The following LMBR1 variants were observed in gnomAD, a reference collection of about 807,000 sequenced individuals.
The protein encoded by LMBR1 is limb development membrane protein 1, also known as limb region 1 protein homolog.
In LMBR1, 52 loss-of-function variants were observed where a neutral mutation model predicts 73.9. That is an observed-to-expected ratio of 0.70 (90% CI 0.56 to 0.89). LMBR1 has a LOEUF of 0.89. Ranked by LOEUF, LMBR1 falls within the 40% of genes least tolerant of loss-of-function variation. LMBR1 has a pLI of 0.00. For synonymous variants in LMBR1, 215 were observed against 209.4 expected (o/e 1.03, Z -0.23); for missense variants, 539 against 579.8 (o/e 0.93, Z 0.72).
intron 9 of LMBR1, among the ~76,000 whole-genome samples, chr7:156,743,824 T>C (rs1280547816): frequency 6.6e-6 from 1 of 152,190 alleles, no homozygotes; most frequent in East Asian, 1.9e-4. Context: ...TCTGAGTAAC[T>C]TACCCCACAC....
At chr7:156,889,479 T>G (rs1246047696) in intron 1 of LMBR1, among the ~76,000 whole-genome samples, 3 of 152,160 alleles carry the variant, frequency 2.0e-5, no homozygotes, top group Non-Finnish European at 4.4e-5. Flanking sequence ...GAAAAAGTAT[T>G]TACATTCACT....
At chr7:156,698,446 C>A (rs1808826885) in intron 15 of LMBR1, among the ~76,000 whole-genome samples, 2 of 152,220 alleles carry the variant, frequency 1.3e-5, no homozygotes. Context: ...TCCGTGAGAG[C>A]CCTGCCTTTG....
chr7:156,690,587 T>G (rs567547334), intron 15 of LMBR1, among the ~76,000 whole-genome samples: 1 of 152,314 alleles, frequency 6.6e-6, no homozygotes, highest in South Asian at 2.1e-4. Context: ...AGACTCAGGG[T>G]CAAGACTTAG....
At chr7:156,800,482 C>CAAGAAAAAAAAA (rs1830758078) in intron 4 of LMBR1, among the ~76,000 whole-genome samples, 1 of 81,034 alleles carries the variant, frequency 1.2e-5, no homozygotes, top group Admixed American at 1.5e-4. Context: ...ACTTGCTACT[C>CAAGAAAAAAAAA]AAAAAAAAAA....
intron 15 of LMBR1, among the ~76,000 whole-genome samples, chr7:156,689,020 T>G (rs147408901): frequency 6.6e-6 from 1 of 152,162 alleles, no homozygotes; most frequent in Admixed American, 6.5e-5. Flanking sequence ...AGTAGGATGA[T>G]CTAATATATG....
intron 12 of LMBR1, among the ~76,000 whole-genome samples, chr7:156,726,787 G>A (rs751694509): frequency 4.6e-5 from 7 of 152,140 alleles, no homozygotes; most frequent in South Asian, 4.1e-4. Context: ...CTTCTCCTGC[G>A]AAGCAGGCCA....
In LMBR1 at chr7:156,712,954, C is replaced by G. The variant is rs192844860; in HGVS notation, c.1225+11158G>C. 9.2e-5 allele frequency among the ~76,000 whole-genome samples: 14 copies of G among 152,258 alleles called. No individual in the cohort carries two copies. In the East Asian group the frequency reaches 2.7e-3, roughly 29 times the overall value. On this transcript the variant is annotated intron_variant, in intron 15 of 16. Transcript: ENST00000353442. ...AGACACCCTACAAGCCCTGACTACA[C>G]CATTACACAATCTATGCATGCAACA... is the stretch of plus-strand genomic sequence containing the variant.
intron 4 of LMBR1, among the ~76,000 whole-genome samples, chr7:156,810,249 C>T (rs1035739852): frequency 2.0e-5 from 3 of 152,026 alleles, no homozygotes; most frequent in African/African-American, 2.4e-5. Flanking sequence ...GGGGGTTGTG[C>T]CAGGCTCTTT....
intron 4 of LMBR1, among the ~76,000 whole-genome samples, chr7:156,804,246 C>A (rs1390318292): frequency 6.6e-6 from 1 of 152,182 alleles, no homozygotes; most frequent in Non-Finnish European, 1.5e-5. Flanking sequence ...TTATCTAGCA[C>A]AACTATTTTG....
In LMBR1 at chr7:156,821,992, C is replaced by T. The variant is rs146152523; in HGVS notation, c.319+4613G>A. Among the ~76,000 whole-genome samples, 27 of 152,380 alleles carry T rather than the reference C, an allele frequency of 1.8e-4. No homozygotes were observed. In the East Asian group the frequency reaches 4.8e-3, roughly 27 times the overall value. On this transcript the variant is annotated intron_variant, in intron 4 of 16. Coordinates refer to ENST00000353442, the MANE Select transcript of LMBR1 (RefSeq NM_022458.4). Reference sequence around the variant, plus strand: ...AAACACACACGAACATGTTTATACACATACATTTCCCTAACACAGACAAAA... The same window carrying T: ...AAACACACACGAACATGTTTATACATATACATTTCCCTAACACAGACAAAA...
chr7:156,816,574 G>C (rs569177189), intron 4 of LMBR1, among the ~76,000 whole-genome samples: 1 of 152,138 alleles, frequency 6.6e-6, no homozygotes, highest in South Asian at 2.1e-4. Context: ...TTTCAACCTA[G>C]GTAATTAAAT....
At chr7:156,690,191 CA>C (rs1806879638) in intron 15 of LMBR1, among the ~76,000 whole-genome samples, 1 of 152,186 alleles carries the variant, frequency 6.6e-6, no homozygotes, top group African/African-American at 2.4e-5. Flanking sequence ...AAAATTTGAG[CA>C]TCTATACCCC....
At chr7:156,729,471 T>A (rs1335841374) in intron 10 of LMBR1, among the ~76,000 whole-genome samples, 1 of 121,580 alleles carries the variant, frequency 8.2e-6, no homozygotes. Flanking sequence ...AAATCCCTTC[T>A]ATTCTTTTTT....
At chr7:156,727,858 A>G (rs745593133) in intron 12 of LMBR1, 72 bp downstream of exon 12, 9 of 997,366 alleles carry the variant, frequency 9.0e-6, no homozygotes, top group Admixed American at 4.0e-5. Context: ...TCATTTGCTT[A>G]CTTGAAATAC....
rs1323725219 is a variant in LMBR1 at position 156,669,290 on chromosome 7, G to A, written n.867-3C>T. On this transcript the variant is annotated splice_region_variant and splice_polypyrimidine_tract_variant and intron_variant and non_coding_transcript_variant, in intron 4 of 4. Transcript: ENST00000430825. This position sits in a 1 kb window ranked among gnomAD's most constrained non-coding sequence, Gnocchi z 4.2. ...CAGGGCACGCTTCCTGCAGGGAGCT[G>A]GGGAGAGACAAATAATAAAATATTT... is the stretch of plus-strand genomic sequence containing the variant. 1 of 152,154 alleles carries A rather than the reference G, an allele frequency of 6.6e-6. No homozygotes were observed. The highest frequency in any genetic ancestry group is 1.5e-5 in the Non-Finnish European group (1 of 68,044). The allele number at this position is 152,154 out of a possible 1,614,324, so 9.4% of individuals were successfully genotyped here. A position where few individuals can be genotyped will look rare whatever the true frequency, so the allele number is the denominator to read the frequency against.
chr7:156,882,553 T>C (rs2134481259), intron 1 of LMBR1, among the ~76,000 whole-genome samples: 1 of 152,202 alleles, frequency 6.6e-6, no homozygotes, highest in Non-Finnish European at 1.5e-5. Context: ...TTATATAAGG[T>C]ATCTAAAATG....
chr7:156,763,244 T>C (rs994403959), intron 6 of LMBR1, 68 bp from the exon 7 acceptor site: 19 of 676,262 alleles, frequency 2.8e-5, no homozygotes, highest in Middle Eastern at 4.1e-4. Context: ...TCAGTCTATC[T>C]TACGATAAGA....
chr7:156,833,848 T>A, intron 2 of LMBR1, 56 bp from the exon 3 acceptor site: 2 of 1,123,336 alleles, frequency 1.8e-6, no homozygotes, highest in Non-Finnish European at 2.6e-6. Context: ...AATGCGTCAT[T>A]AATTTATTAA....
rs966303535 is a variant in LMBR1 at position 156,736,612 on chromosome 7, C to T, written c.758-2355G>A. The T allele has an allele frequency of 6.3e-5, 29 of 456,868 alleles. No individual in the cohort carries two copies. In the Admixed American group the frequency reaches 6.8e-4, roughly 11 times the overall value. 28.3% of individuals were successfully genotyped at this position (456,868 alleles called of 1,614,324 possible). On this transcript the variant is annotated intron_variant, in intron 9 of 16. Coordinates refer to ENST00000353442, the MANE Select transcript of LMBR1 (RefSeq NM_022458.4). ...TTCTGGATTTCCCGCACAAAGCATT[C>T]CCACTGTGGCAGGTGAGGACACAAG...
Sources: gnomAD v4.1 joint callset for allele counts (sites outside exome capture counted in the v4.1 genomes callset) on GRCh38, gnomAD v4.1.1 for gene constraint, Gnocchi (gnomAD v3.1) non-coding constraint, MANE v1.5 for transcripts, NCBI Gene and HGNC (gene_info 2026-07-23, HGNC 2026-07-21) for gene names.